The following TSNARE1 variants were observed in gnomAD, a reference collection of about 807,000 sequenced individuals.
TSNARE1 encodes t-SNARE domain containing 1.
A neutral mutation model predicts 62.0 loss-of-function variants in TSNARE1; 49 were observed. The observed-to-expected ratio is 0.79, with a 90% confidence interval of 0.63 to 1.00. TSNARE1 has a LOEUF of 1.00. Ranked by LOEUF, TSNARE1 falls within the 50% of genes least tolerant of loss-of-function variation. The pLI, the probability that TSNARE1 is intolerant of heterozygous loss-of-function variation, is 0.00. For synonymous variants in TSNARE1, 328 were observed against 294.4 expected, an observed-to-expected ratio of 1.11 and a Z score of -1.17; for missense variants, 755 against 700.1, an observed-to-expected ratio of 1.08 and a Z score of -0.88.
At chr8:142,381,612 C>G (rs990144862) in intron 1 of TSNARE1, among the ~76,000 whole-genome samples, 1 of 152,196 alleles carries the variant, frequency 6.6e-6, no homozygotes, top group African/African-American at 2.4e-5. Context: ...GCTGAGGGGT[C>G]TGGAGTGAGG....
intron 13 of TSNARE1, among the ~76,000 whole-genome samples, chr8:142,216,170 C>T (rs1374004924): frequency 6.6e-6 from 1 of 152,212 alleles, no homozygotes; most frequent in Non-Finnish European, 1.5e-5. Context: ...GTCTCTTCAC[C>T]CCCAGGGCCC....
chr8:142,255,488 T>TCATCAC (rs1479038318), intron 12 of TSNARE1, among the ~76,000 whole-genome samples: 13,849 of 25,310 alleles, frequency 0.55, 4,623 homozygotes, highest in Non-Finnish European at 0.64. Flanking sequence ...ATCACCATCA[T>TCATCAC]CATCACCACC....
intron 13 of TSNARE1, among the ~76,000 whole-genome samples, chr8:142,222,545 CACT>C (rs1718200837): frequency 9.9e-5 from 13 of 131,628 alleles, no homozygotes; most frequent in African/African-American, 3.7e-4. Context: ...CTCACTCATT[CACT>C]CACTCACTCA....
At chr8:142,289,721 C>T (rs1823425465) in intron 10 of TSNARE1, among the ~76,000 whole-genome samples, 1 of 152,236 alleles carries the variant, frequency 6.6e-6, no homozygotes, top group Admixed American at 6.5e-5. Context: ...TGAGGCACTG[C>T]CTGCCTTTGT....
intron 12 of TSNARE1, among the ~76,000 whole-genome samples, chr8:142,250,689 G>T (rs1818118480): frequency 1.3e-5 from 2 of 152,224 alleles, no homozygotes; most frequent in Admixed American, 1.3e-4. Context: ...GCAGCCCCAG[G>T]CGCTTGCAGA....
At chr8:142,387,325 A>G (rs1257507218) in intron 1 of TSNARE1, among the ~76,000 whole-genome samples, 1 of 152,216 alleles carries the variant, frequency 6.6e-6, no homozygotes, top group Non-Finnish European at 1.5e-5. Flanking sequence ...AAGTTTGAAA[A>G]GAATAATAAA....
chr8:142,239,778 G>A (rs1439037188), intron 12 of TSNARE1, among the ~76,000 whole-genome samples: 3 of 152,172 alleles, frequency 2.0e-5, no homozygotes, highest in Non-Finnish European at 4.4e-5. Flanking sequence ...GAGAATGTCG[G>A]CTCCTCCTGA....
chr8:142,278,637 C>T (rs1008110978), intron 11 of TSNARE1: 13 of 985,346 alleles, frequency 1.3e-5, no homozygotes, highest in African/African-American at 1.7e-5. Context: ...GAGCCAGCGT[C>T]ACCCTTGGAG....
chr8:142,218,296 G>A (rs28528878), intron 13 of TSNARE1, among the ~76,000 whole-genome samples: 64,683 of 151,114 alleles, frequency 0.43, 14,230 homozygotes, highest in African/African-American at 0.53. Context: ...TCAGGGTGTG[G>A]CCAGGGTCAG....
chr8:142,257,141 C>T (rs188980294), intron 12 of TSNARE1, among the ~76,000 whole-genome samples: 3 of 152,334 alleles, frequency 2.0e-5, no homozygotes, highest in South Asian at 2.1e-4. Flanking sequence ...CACCTCTCTC[C>T]GAGGGAGGCA....
chr8:142,269,457 C>T (rs552492340), intron 12 of TSNARE1: 2 of 985,434 alleles, frequency 2.0e-6, no homozygotes, highest in Non-Finnish European at 2.4e-6. Context: ...CACAGCCATA[C>T]GAGGCCACTG....
At chr8:142,277,598 G>A (rs1820720066) in intron 11 of TSNARE1, 4 of 985,298 alleles carry the variant, frequency 4.1e-6, no homozygotes, top group African/African-American at 1.7e-5. Flanking sequence ...GCGCCCACAA[G>A]AGGAAGTCTG....
intron 13 of TSNARE1, among the ~76,000 whole-genome samples, chr8:142,223,274 AGTC>A (rs1324887587): frequency 0.023 from 268 of 11,436 alleles, 9 homozygotes; most frequent in East Asian, 0.12. Context: ...TCACTCATTC[AGTC>A]ACTCACTCAT....
chr8:142,398,418 A>C (rs1007302984), intron 1 of TSNARE1, among the ~76,000 whole-genome samples: 6 of 140,084 alleles, frequency 4.3e-5, no homozygotes, highest in African/African-American at 1.7e-4. Flanking sequence ...AAACCCTCCC[A>C]AAGCACATCC....
intron 1 of TSNARE1, among the ~76,000 whole-genome samples, chr8:142,386,273 C>A (rs1438056916): frequency 6.6e-6 from 1 of 152,108 alleles, no homozygotes; most frequent in East Asian, 1.9e-4. Context: ...GAACATTATT[C>A]TGGCTATCAC....
At chr8:142,248,119 C>T (rs537466760) in intron 12 of TSNARE1, among the ~76,000 whole-genome samples, 47 of 152,280 alleles carry the variant, frequency 3.1e-4, no homozygotes, top group Middle Eastern at 3.4e-3. Flanking sequence ...CAAGGCTTCA[C>T]GCAGCATCCT....
chr8:142,267,295 T>C (rs960410881), intron 12 of TSNARE1, among the ~76,000 whole-genome samples: 1 of 152,158 alleles, frequency 6.6e-6, no homozygotes, highest in Non-Finnish European at 1.5e-5. Flanking sequence ...TCCAGAACCT[T>C]CTTCTTGGAT....
intron 12 of TSNARE1, among the ~76,000 whole-genome samples, chr8:142,236,903 TGCG>T (rs368415888): frequency 6.6e-6 from 1 of 152,294 alleles, no homozygotes; most frequent in Non-Finnish European, 1.5e-5. Flanking sequence ...AAATGCACCC[TGCG>T]GCGGTCATGA....
chr8:142,243,612 G>T (rs565443336), intron 12 of TSNARE1, among the ~76,000 whole-genome samples: 28 of 152,226 alleles, frequency 1.8e-4, no homozygotes, highest in African/African-American at 6.7e-4. Flanking sequence ...CAGGGGAGGA[G>T]GTGGGGAGAT....
Sources: gnomAD v4.1 joint callset for allele counts (sites outside exome capture counted in the v4.1 genomes callset) on GRCh38, gnomAD v4.1.1 for gene constraint, MANE v1.5 for transcripts, NCBI Gene and HGNC (gene_info 2026-07-23, HGNC 2026-07-21) for gene names.